APOD: variants seen among roughly 807,000 people sequenced by gnomAD.
APOD encodes the protein apolipoprotein D.
APOD carries 22 observed loss-of-function variants against 20.4 expected under a neutral mutation model. The ratio of observed to expected loss-of-function variants is 1.08; its 90% CI spans 0.77 to 1.54. The LOEUF (loss-of-function observed/expected upper bound fraction) is 1.54, where lower values mean the gene tolerates loss of function less well. Ranked by LOEUF, APOD falls within the 40% of genes most tolerant of loss-of-function variation. The pLI is 0.00. For missense variants in APOD, 223 were observed against 229.6 expected, an observed-to-expected ratio of 0.97 and a Z score of 0.19; for synonymous variants, 97 against 92.4, an observed-to-expected ratio of 1.05 and a Z score of -0.29.
rs538887607 is a variant in APOD at position 195,573,957 on chromosome 3, C to A, written c.138G>T (p.Trp46Cys). 1 of 1,614,114 alleles carries A rather than the reference C, an allele frequency of 6.2e-7. No homozygotes were observed. The highest frequency in any genetic ancestry group is 2.2e-5 in the East Asian group (1 of 44,878). Residue 46 changes from tryptophan (W) to cysteine (C), a missense_variant, in exon 3 of 5, where the codon TGG (tryptophan) becomes TGT (cysteine). By Grantham distance (215) the Trp-to-Cys change is radical. Transcript: ENST00000343267. ...TTGTTGGGATCTTCTCAATTTCGTA[C>A]CATCTTCCGAGATACTGCAGAGACA... ...NFDVNKYLGR[W>C]YEIEKIPTTF...
chr3:195,578,700 A>T (rs909524299), intron 2 of APOD, among the ~76,000 whole-genome samples: 1 of 152,156 alleles, frequency 6.6e-6, no homozygotes, highest in Non-Finnish European at 1.5e-5. Context: ...GCCCTGTTTG[A>T]GTGACCTTTG....
intron 1 of APOD, among the ~76,000 whole-genome samples, chr3:195,581,553 G>T (rs777470678): frequency 6.6e-6 from 1 of 152,166 alleles, no homozygotes; most frequent in Non-Finnish European, 1.5e-5. Flanking sequence ...CTTCCAAGGT[G>T]TACAGATGGG....
At chr3:195,569,317 G>C (rs890148167) in intron 4 of APOD, among the ~76,000 whole-genome samples, 182 bp from the exon 5 acceptor site, 6 of 152,132 alleles carry the variant, frequency 3.9e-5, no homozygotes, top group African/African-American at 1.4e-4. Flanking sequence ...GAGTGTTTCT[G>C]ACTTACCCTT....
chr3:195,579,290 G>T, intron 2 of APOD, 49 bp downstream of exon 2: 1 of 1,610,754 alleles, frequency 6.2e-7, no homozygotes, highest in Middle Eastern at 1.7e-4. Flanking sequence ...CTTGTAGAAC[G>T]CTTATTCACA....
At chr3:195,571,874 G>A (rs1012553120) in intron 3 of APOD, among the ~76,000 whole-genome samples, 8 of 151,656 alleles carry the variant, frequency 5.3e-5, no homozygotes, top group East Asian at 3.9e-4. Context: ...CTGCCTCCCC[G>A]GTTCAAGCAA....
At position 195,574,369 on chromosome 3, in the gene APOD, C is replaced by T. The variant is rs964696339; in HGVS notation, c.124-398G>A. ...ACTCCAGAGCGCACGGAACTTTCCT[C>T]ATCTGACCCTGAGGAGGGATTTAGT... On this transcript the variant is annotated intron_variant, in intron 2 of 4. Coordinates refer to ENST00000343267, the MANE Select transcript of APOD (RefSeq NM_001647.4). 9.2e-5 allele frequency among the ~76,000 whole-genome samples: 14 copies of T among 152,220 alleles called. No homozygotes were observed. The South Asian group carries it at 2.7e-3, about 29-fold the overall frequency.
intron 1 of APOD, among the ~76,000 whole-genome samples, chr3:195,582,223 A>C (rs750036443): frequency 2.0e-5 from 3 of 152,058 alleles, no homozygotes; most frequent in South Asian, 2.1e-4. Context: ...ACAACAACAA[A>C]AAAACTCCTT....
intron 3 of APOD, among the ~76,000 whole-genome samples, chr3:195,573,626 A>T (rs1329754187): frequency 2.6e-5 from 4 of 152,236 alleles, no homozygotes; most frequent in Non-Finnish European, 5.9e-5. Flanking sequence ...CAGTGAGTGC[A>T]GGAACCCTGT....
chr3:195,581,103 A>G (rs1406017798), intron 1 of APOD, among the ~76,000 whole-genome samples: 1 of 152,136 alleles, frequency 6.6e-6, no homozygotes, highest in East Asian at 1.9e-4. Context: ...GAGTCTCTAA[A>G]CCTCTAAATA....
intron 4 of APOD, 66 bp downstream of exon 4, chr3:195,571,211 G>A (rs574135740): frequency 6.5e-5 from 90 of 1,376,846 alleles, no homozygotes; most frequent in East Asian, 6.2e-4. Flanking sequence ...TCTCCAAGCC[G>A]GGGCGCTAGC....
intron 1 of APOD, among the ~76,000 whole-genome samples, chr3:195,580,894 CCT>C (rs1274997087): frequency 1.3e-5 from 2 of 152,148 alleles, no homozygotes; most frequent in Non-Finnish European, 2.9e-5. Flanking sequence ...TGGAAGCTCC[CCT>C]GTTTCCTTCA....
chr3:195,572,744 G>T (rs1159080489), intron 3 of APOD, among the ~76,000 whole-genome samples: 1 of 152,060 alleles, frequency 6.6e-6, no homozygotes, highest in Non-Finnish European at 1.5e-5. Flanking sequence ...GGGCGTGGTG[G>T]CTCACGCCTG....
intron 2 of APOD, among the ~76,000 whole-genome samples, chr3:195,576,610 G>C (rs1379321753): frequency 6.6e-6 from 1 of 152,104 alleles, no homozygotes; most frequent in African/African-American, 2.4e-5. Context: ...AGGAGTTCAA[G>C]ACCAGCATAG....
chr3:195,569,734 T>C (rs1315825306), intron 4 of APOD, among the ~76,000 whole-genome samples: 2 of 151,166 alleles, frequency 1.3e-5, no homozygotes, highest in Non-Finnish European at 2.9e-5. Flanking sequence ...ATGCCCCTCT[T>C]CATGTACACT....
At chr3:195,574,465 A>C (rs67379562) in intron 2 of APOD, among the ~76,000 whole-genome samples, 23,199 of 152,144 alleles carry the variant, frequency 0.15, 2,290 homozygotes, top group Non-Finnish European at 0.23. Flanking sequence ...GCCTGCGCTC[A>C]GTCCAGACTT....
chr3:195,569,171 G>A (rs1393368185), intron 4 of APOD, 36 bp from the exon 5 acceptor site: 3 of 1,568,388 alleles, frequency 1.9e-6, no homozygotes, highest in East Asian at 4.5e-5. Context: ...ATTGGAGGGA[G>A]AGGGCAAGAG....
chr3:195,582,769 CAAA>C (rs1720361601), intron 1 of APOD: 1 of 146,496 alleles, frequency 6.8e-6, no homozygotes, highest in African/African-American at 2.5e-5. Flanking sequence ...AACAAACAAA[CAAA>C]AAATACAAAA....
intron 1 of APOD, among the ~76,000 whole-genome samples, chr3:195,580,548 G>A (rs542091604): frequency 6.6e-6 from 1 of 151,992 alleles, no homozygotes; most frequent in Non-Finnish European, 1.5e-5. Context: ...GGGATTACAG[G>A]TGTCCACCAC....
At chr3:195,570,419 G>T (rs1436502732) in intron 4 of APOD, among the ~76,000 whole-genome samples, 1 of 152,192 alleles carries the variant, frequency 6.6e-6, no homozygotes. Context: ...GCTTGTACAT[G>T]TGAAGTTAGT....
Sources: gnomAD v4.1 joint callset for allele counts (sites outside exome capture counted in the v4.1 genomes callset) on GRCh38, gnomAD v4.1.1 for gene constraint, MANE v1.5 for transcripts, NCBI Gene and HGNC (gene_info 2026-07-23, HGNC 2026-07-21) for gene names.